The following MRPL39 variants were observed in gnomAD, a reference collection of about 807,000 sequenced individuals.
The protein encoded by MRPL39 is mitochondrial ribosomal protein L39, also known as large ribosomal subunit protein mL39.
Under a neutral mutation model 44.5 loss-of-function variants are expected in MRPL39, and 35 were observed. The ratio of observed to expected loss-of-function variants is 0.79; its 90% CI spans 0.60 to 1.04. The LOEUF (loss-of-function observed/expected upper bound fraction) is 1.04, where lower values mean the gene tolerates loss of function less well. MRPL39 is among the 50% of genes least tolerant of loss of function. The probability of loss-of-function intolerance (pLI) is 0.00; values close to 1 mark genes in which losing one functional copy is unlikely to be tolerated. For missense variants in MRPL39, 433 were observed against 413.5 expected (o/e 1.05, Z -0.41); for synonymous variants, 139 against 136.1 (o/e 1.02, Z -0.15).
At chr21:25,605,454 AAC>A (rs34470513) in intron 2 of MRPL39, among the ~76,000 whole-genome samples, 12,165 of 152,104 alleles carry the variant, frequency 0.08, 1,180 homozygotes, top group African/African-American at 0.22. Context: ...ACAAAAATAC[AAC>A]ACAGAGAGAG....
At chr21:25,600,561 T>A in intron 4 of MRPL39, among the ~76,000 whole-genome samples, 1 of 110,826 alleles carries the variant, frequency 9.0e-6, no homozygotes, top group African/African-American at 3.4e-5. Flanking sequence ...ATATTTTAGG[T>A]ATATCTACTT....
intron 2 of MRPL39, among the ~76,000 whole-genome samples, 194 bp from the exon 3 acceptor site, chr21:25,604,129 C>T (rs2014873): frequency 0.7 from 106,061 of 151,310 alleles, 38,630 homozygotes; most frequent in Non-Finnish European, 0.82. Context: ...TGTGGGGGCA[C>T]GTGCCTGTAA....
chr21:25,586,040 TG>T (rs1401365842), intron 9 of MRPL39, among the ~76,000 whole-genome samples: 1 of 152,228 alleles, frequency 6.6e-6, no homozygotes, highest in East Asian at 1.9e-4. Context: ...AAATCATTAG[TG>T]TAAGAAAAAA....
intron 8 of MRPL39, among the ~76,000 whole-genome samples, chr21:25,591,257 A>C (rs1048462890): frequency 6.6e-6 from 1 of 152,110 alleles, no homozygotes; most frequent in African/African-American, 2.4e-5. Flanking sequence ...AATTAACCCC[A>C]AAAACATAAT....
intron 5 of MRPL39, 62 bp downstream of exon 5, chr21:25,599,737 G>T: frequency 7.5e-7 from 1 of 1,328,224 alleles, no homozygotes. Flanking sequence ...ACTAACATAG[G>T]AATCATTCTA....
At chr21:25,598,116 C>T (rs2031413755) in intron 5 of MRPL39, among the ~76,000 whole-genome samples, 1 of 151,870 alleles carries the variant, frequency 6.6e-6, no homozygotes, top group African/African-American at 2.4e-5. Context: ...TCCTATTAGA[C>T]TTTTTTGCAT....
rs1427931067 is a variant in MRPL39, at chr21:25,585,700, A to G, written c.*7T>C. ...TTTATTATACATATTTAAATTTTAGAAAGTTATTAGGTAGATGTACATTCC... is the reference window on the plus strand; with the variant it reads ...TTTATTATACATATTTAAATTTTAGGAAGTTATTAGGTAGATGTACATTCC... On this transcript the variant is annotated 3_prime_UTR_variant, in exon 10 of 10. Coordinates refer to ENST00000352957, the MANE Select transcript of MRPL39 (RefSeq NM_017446.4). 6.8e-7 allele frequency: 1 copy of G among 1,470,406 alleles called. No homozygotes were observed. The highest frequency in any genetic ancestry group is 9.3e-7 in the Non-Finnish European group (1 of 1,073,258). The allele number at this position is 1,470,406 out of a possible 1,614,324, so 91.1% of individuals were successfully genotyped here.
intron 3 of MRPL39, among the ~76,000 whole-genome samples, chr21:25,602,714 T>G (rs1396524507): frequency 1.3e-5 from 2 of 152,204 alleles, no homozygotes; most frequent in African/African-American, 4.8e-5. Flanking sequence ...AGGAGAAACT[T>G]AGAAGTTTCC....
intron 5 of MRPL39, among the ~76,000 whole-genome samples, chr21:25,599,061 T>A (rs1368945687): frequency 5.9e-5 from 9 of 152,188 alleles, no homozygotes; most frequent in Non-Finnish European, 5.9e-5. Flanking sequence ...ATTAGGTATT[T>A]GCCTATTCTC....
At chr21:25,606,055 C>T (rs1191192321) in intron 2 of MRPL39, among the ~76,000 whole-genome samples, 1 of 152,186 alleles carries the variant, frequency 6.6e-6, no homozygotes, top group Non-Finnish European at 1.5e-5. Context: ...CCCTCCAGAA[C>T]TACAGGGACA....
chr21:25,590,382 T>TAA lies in MRPL39; in HGVS notation c.922-1502_922-1501dup, dbSNP rs57382759. 8.7e-4 allele frequency among the ~76,000 whole-genome samples: 120 copies of TAA among 138,006 alleles called. No individual in the cohort carries two copies. The East Asian group carries it at 0.013, about 15-fold the overall frequency. 90.5% of individuals were successfully genotyped at this position (138,006 alleles called of 152,430 possible). ...CTAACGCTAATGACAGCTAATGAGC[T>TAA]AAAAAAAAAAAAAAATCGCAAGAAA... is the stretch of plus-strand genomic sequence containing the variant. On this transcript the variant is annotated intron_variant, in intron 8 of 9. Transcript: ENST00000352957.
chr21:25,603,705 A>G (rs1380328813), intron 3 of MRPL39, 91 bp downstream of exon 3: 2 of 1,330,118 alleles, frequency 1.5e-6, no homozygotes, highest in Middle Eastern at 2.4e-4. Context: ...GAACTTGGCC[A>G]TATTTTTACA....
At chr21:25,604,746 A>C (rs1202624929) in intron 2 of MRPL39, among the ~76,000 whole-genome samples, 1 of 152,244 alleles carries the variant, frequency 6.6e-6, no homozygotes, top group Non-Finnish European at 1.5e-5. Context: ...ATTATCAACC[A>C]CTACATAAAC....
rs35118180 is a variant in MRPL39 at position 25,600,395 on chromosome 21, TAAAAAAA to T, written c.521-536_521-530del. Among the ~76,000 whole-genome samples, 26 of 78,564 alleles carry T rather than the reference TAAAAAAA, an allele frequency of 3.3e-4. No individual in the cohort carries two copies. The East Asian group carries it at 3.3e-3, about 10-fold the overall frequency. 51.5% of individuals were successfully genotyped at this position (78,564 alleles called of 152,430 possible). The stretch of plus-strand genomic sequence containing the variant: ...TTGGCAACACAGCGAGACTCCGTCT[TAAAAAAA>T]AAAAAAAAAAAAAAATTCCAAAAGA... On this transcript the variant is annotated intron_variant, in intron 4 of 9. Coordinates refer to ENST00000352957, the MANE Select transcript of MRPL39 (RefSeq NM_017446.4).
intron 3 of MRPL39, among the ~76,000 whole-genome samples, chr21:25,602,941 G>T (rs919672731): frequency 6.6e-6 from 1 of 152,186 alleles, no homozygotes; most frequent in African/African-American, 2.4e-5. Flanking sequence ...ATAATGGGGC[G>T]GTTTCCCCCA....
chr21:25,599,737 G>C, intron 5 of MRPL39, 62 bp downstream of exon 5: 1 of 1,328,226 alleles, frequency 7.5e-7, no homozygotes, highest in Non-Finnish European at 1.1e-6. Context: ...ACTAACATAG[G>C]AATCATTCTA....
At chr21:25,598,872 A>C (rs1221584828) in intron 5 of MRPL39, among the ~76,000 whole-genome samples, 3 of 151,442 alleles carry the variant, frequency 2.0e-5, no homozygotes, top group Non-Finnish European at 4.4e-5. Context: ...AAAAAAAAAA[A>C]AACACTACAA....
At chr21:25,597,861 T>C (rs2123242967) in intron 5 of MRPL39, among the ~76,000 whole-genome samples, 1 of 152,270 alleles carries the variant, frequency 6.6e-6, no homozygotes, top group South Asian at 2.1e-4. Context: ...AAAGTTTCAC[T>C]AGAAATGTAG....
rs774245201 is a variant in MRPL39, at chr21:25,607,464, C to G, written c.12G>C (p.Leu4=). 17 of 1,612,196 alleles carry G rather than the reference C, an allele frequency of 1.1e-5. No individual in the cohort carries two copies. In the East Asian group the frequency reaches 3.6e-4, roughly 34 times the overall value. ...GCCGCAGCGCCCGGGAACCCATGGC[C>G]AGCGCCTCCATAGCAGCGGTGAGAA... The part of the protein sequence containing the change: MEA[L]AMGSRALRLW... The change falls in exon 1 of 10, where the codon CTG becomes CTC. Residue 4 remains leucine, a synonymous_variant. Transcript: ENST00000352957.
Sources: gnomAD v4.1 joint callset for allele counts (sites outside exome capture counted in the v4.1 genomes callset) on GRCh38, gnomAD v4.1.1 for gene constraint, MANE v1.5 for transcripts, NCBI Gene and HGNC (gene_info 2026-07-23, HGNC 2026-07-21) for gene names.